The following TDRD12 variants were observed in gnomAD, a reference collection of about 807,000 sequenced individuals.
TDRD12 encodes the protein putative ATP-dependent RNA helicase TDRD12.
In TDRD12, 158 loss-of-function variants were observed where a neutral mutation model predicts 133.5. The ratio of observed to expected loss-of-function variants is 1.18; its 90% CI spans 1.04 to 1.35. TDRD12 has a LOEUF of 1.35. TDRD12 is among the 40% of genes most tolerant of loss of function. TDRD12 has a pLI of 0.00. For synonymous variants in TDRD12, 460 were observed against 477.9 expected, an observed-to-expected ratio of 0.96 and a Z score of 0.49; for missense variants, 1,443 against 1,321.3, an observed-to-expected ratio of 1.09 and a Z score of -1.43.
intron 1 of TDRD12, among the ~76,000 whole-genome samples, chr19:32,730,851 A>C (rs1396977654): frequency 6.6e-6 from 1 of 152,168 alleles, no homozygotes; most frequent in Non-Finnish European, 1.5e-5. Context: ...TCCTGTCTCT[A>C]CTAAAAATAC....
chr19:32,766,616 C>A (rs569701958), intron 8 of TDRD12, among the ~76,000 whole-genome samples: 2 of 144,854 alleles, frequency 1.4e-5, no homozygotes, highest in African/African-American at 4.9e-5. Flanking sequence ...AGCTTATTAG[C>A]CATAATTTTT....
chr19:32,819,747 GAATATTTCATGCTGTGAC>G, intron 27 of TDRD12, among the ~76,000 whole-genome samples: 1 of 152,318 alleles, frequency 6.6e-6, no homozygotes, highest in South Asian at 2.1e-4. Flanking sequence ...GGAATGGCGA[GAATATTTCATGCTGTGAC>G]CCGCAGATCT....
chr19:32,796,625 T>G (rs931078954), intron 14 of TDRD12, among the ~76,000 whole-genome samples: 1 of 152,108 alleles, frequency 6.6e-6, no homozygotes, highest in African/African-American at 2.4e-5. Context: ...AGCAGCTGAT[T>G]TAGTCAAATT....
chr19:32,754,043 ATTATG>A (rs1273009539), intron 6 of TDRD12, among the ~76,000 whole-genome samples: 3 of 152,218 alleles, frequency 2.0e-5, no homozygotes, highest in African/African-American at 7.2e-5. Context: ...CTTCAGTGTG[ATTATG>A]TTATTCTTTT....
intron 14 of TDRD12, among the ~76,000 whole-genome samples, chr19:32,797,049 C>T (rs952688194): frequency 1.3e-5 from 2 of 149,960 alleles, no homozygotes; most frequent in African/African-American, 4.9e-5. Context: ...GGCTCCATCT[C>T]GGCTCACTGC....
chr19:32,724,298 T>C (rs973069438), intron 1 of TDRD12, among the ~76,000 whole-genome samples: 1 of 152,192 alleles, frequency 6.6e-6, no homozygotes, highest in Non-Finnish European at 1.5e-5. Flanking sequence ...ACATGTGCCA[T>C]GTTGGTTTGC....
At position 32,753,670 on chromosome 19, in the gene TDRD12, ATTTTT is replaced by A. The variant is rs61178379; in HGVS notation, c.583-2306_583-2302del. Among the ~76,000 whole-genome samples the A allele has an allele frequency of 2.3e-5, 3 of 130,476 alleles. No individual in the cohort carries two copies. In the Admixed American group the frequency reaches 2.4e-4, roughly 10 times the overall value. 85.6% of individuals were successfully genotyped at this position (130,476 alleles called of 152,430 possible). Reference sequence around the variant, plus strand: ...AGGTGCCCGCCATCACACCTGGCTAATTTTTTTTTTTTTTTTTTTTGTATTTTTAG... The same window carrying A: ...AGGTGCCCGCCATCACACCTGGCTAATTTTTTTTTTTTTTTGTATTTTTAG... On this transcript the variant is annotated intron_variant, in intron 6 of 27. Transcript: ENST00000444215.
chr19:32,814,223 G>A (rs763763136), intron 25 of TDRD12, among the ~76,000 whole-genome samples: 2 of 152,094 alleles, frequency 1.3e-5, no homozygotes, highest in Non-Finnish European at 1.5e-5. Flanking sequence ...GGGAGGGGGC[G>A]GGGGAAAGGG....
intron 26 of TDRD12, among the ~76,000 whole-genome samples, chr19:32,816,581 C>T (rs1050142408): frequency 3.9e-5 from 6 of 152,138 alleles, no homozygotes; most frequent in African/African-American, 1.2e-4. Flanking sequence ...CAGGTAATGG[C>T]GCTTTAAACA....
intron 8 of TDRD12, among the ~76,000 whole-genome samples, chr19:32,764,101 A>ATC (rs1970227042): frequency 1.2e-4 from 11 of 92,816 alleles, no homozygotes; most frequent in African/African-American, 5.0e-4. Flanking sequence ...TGTATTGTCC[A>ATC]TCTTTTTTTT....
intron 11 of TDRD12, among the ~76,000 whole-genome samples, chr19:32,778,391 T>C (rs1336307122): frequency 6.6e-6 from 1 of 152,196 alleles, no homozygotes; most frequent in African/African-American, 2.4e-5. Context: ...GCTGTCACAG[T>C]CGTTATTTTC....
chr19:32,790,604 C>T lies in TDRD12; in HGVS notation c.1182+13C>T, dbSNP rs1400656110. ...TGATCTCCAGCAGGTATTACAGGCC[C>T]TAAAAAAAGTAAAATAAAAAGAGAG... On this transcript the variant is annotated intron_variant, in intron 12 of 27. Coordinates refer to ENST00000444215, the Ensembl canonical transcript of TDRD12. 13 of 1,551,414 alleles carry T rather than the reference C, an allele frequency of 8.4e-6. No individual in the cohort carries two copies. The highest frequency in any genetic ancestry group is 1.1e-5 in the Non-Finnish European group (13 of 1,146,978).
At chr19:32,768,643 G>T (rs542604319) in intron 8 of TDRD12, among the ~76,000 whole-genome samples, 145 of 152,230 alleles carry the variant, frequency 9.5e-4, no homozygotes, top group Middle Eastern at 3.4e-3. Flanking sequence ...TGAGATTACA[G>T]GTGTGAGCCA....
At position 32,798,306 on chromosome 19, in the gene TDRD12, AG is replaced by A; in HGVS notation, c.1631del. On this transcript the variant is annotated splice_acceptor_variant, in intron 15 of 27. Coordinates refer to ENST00000444215, the Ensembl canonical transcript of TDRD12. LOFTEE classifies it high-confidence loss of function. ...AATGTTCACTTTTTTTTTTAAATGC[AG>A]GTGATGTGATTGTTACGACCCCATA... The A allele has an allele frequency of 6.6e-7, 1 of 1,521,402 alleles. No homozygotes were observed. Among genetic ancestry groups the A allele is most frequent in the Non-Finnish European group, 8.8e-7 (1 of 1,136,262 alleles). 94.2% of individuals were successfully genotyped at this position (1,521,402 alleles called of 1,614,324 possible). A position where few individuals can be genotyped will look rare whatever the true frequency, so the allele number is the denominator to read the frequency against.
downstream of TDRD12, chr19:32,821,369 AGTGTGT>A (rs59054756): frequency 3.9e-3 from 1,362 of 351,286 alleles, 2 homozygotes; most frequent in African/African-American, 0.011. Context: ...AGCTCAGCAG[AGTGTGT>A]GTGTGTGTGT....
At chr19:32,736,509 G>A (rs969279659) in intron 2 of TDRD12, among the ~76,000 whole-genome samples, 2 of 152,234 alleles carry the variant, frequency 1.3e-5, no homozygotes, top group Non-Finnish European at 2.9e-5. Flanking sequence ...TTGGCTGGCT[G>A]TGTGAATTAT....
At chr19:32,735,362 A>G (rs1335594020) in intron 2 of TDRD12, among the ~76,000 whole-genome samples, 1 of 152,230 alleles carries the variant, frequency 6.6e-6, no homozygotes, top group African/African-American at 2.4e-5. Context: ...CAGTTACTAC[A>G]TTCCCTTCAG....
rs185480112 is a variant in TDRD12 at position 32,751,884 on chromosome 19, A to T, written c.582+2015A>T. Reference sequence around the variant, plus strand: ...TTTAATTTTTATTATTTATTTATTTATTTTTTTGAGATGGAGTCTCACTCT... The same window carrying T: ...TTTAATTTTTATTATTTATTTATTTTTTTTTTTGAGATGGAGTCTCACTCT... On this transcript the variant is annotated intron_variant, in intron 6 of 27. Transcript: ENST00000444215. Among the ~76,000 whole-genome samples, 750 of 151,754 alleles carry T rather than the reference A, an allele frequency of 4.9e-3. 7 individuals are homozygous for T. The highest frequency in any genetic ancestry group is 0.016 in the African/African-American group (650 of 41,386).
chr19:32,739,324 C>A (rs763781358), intron 3 of TDRD12, among the ~76,000 whole-genome samples: 1 of 103,158 alleles, frequency 9.7e-6, no homozygotes, highest in African/African-American at 4.6e-5. Context: ...CTACTCTCTG[C>A]ATCTCCTGGC....
Sources: gnomAD v4.1 joint callset for allele counts (sites outside exome capture counted in the v4.1 genomes callset) on GRCh38, gnomAD v4.1.1 for gene constraint, MANE v1.5 for transcripts, NCBI Gene and HGNC (gene_info 2026-07-23, HGNC 2026-07-21) for gene names.